Variants in PDE4D observed in about 807,000 individuals in gnomAD.
PDE4D encodes the protein 3',5'-cyclic-AMP phosphodiesterase 4D.
Under a neutral mutation model 87.4 loss-of-function variants are expected in PDE4D, and 24 were observed. The observed-to-expected ratio is 0.27, with a 90% CI of 0.20 to 0.39. PDE4D has a LOEUF of 0.39. PDE4D is among the 10% of genes least tolerant of loss of function. The probability of loss-of-function intolerance (pLI) is 1.00; values close to 1 mark genes in which losing one functional copy is unlikely to be tolerated. For missense variants in PDE4D, 714 were observed against 1,041.0 expected (o/e 0.69, Z 4.32); for synonymous variants, 384 against 383.2 (o/e 1.00, Z -0.02).
chr5:59,552,168 G>C (rs1818229078), intron 1 of PDE4D, among the ~76,000 whole-genome samples: 1 of 152,178 alleles, frequency 6.6e-6, no homozygotes, highest in East Asian at 1.9e-4. Flanking sequence ...GCAGTGAGCT[G>C]AGATTGTGCC....
At chr5:59,400,425 C>T (rs1408407200) in intron 1 of PDE4D, among the ~76,000 whole-genome samples, 1 of 146,856 alleles carries the variant, frequency 6.8e-6, no homozygotes, top group South Asian at 2.2e-4. Flanking sequence ...GAGTTCATGT[C>T]CTTTGTAGGG....
At chr5:60,289,091 C>G (rs1188292267) in intron 1 of PDE4D, among the ~76,000 whole-genome samples, 1 of 152,164 alleles carries the variant, frequency 6.6e-6, no homozygotes, top group African/African-American at 2.4e-5. Context: ...TACGTTTTTG[C>G]AGCTAAAAGA....
chr5:60,462,334 G>C (rs1422934703), intron 1 of PDE4D, among the ~76,000 whole-genome samples: 1 of 152,074 alleles, frequency 6.6e-6, no homozygotes, highest in African/African-American at 2.4e-5. Flanking sequence ...GTGGATGTGG[G>C]TGTGAATAAA....
intron 11 of PDE4D, among the ~76,000 whole-genome samples, chr5:58,981,023 C>T (rs535094224): frequency 6.6e-6 from 1 of 152,236 alleles, no homozygotes; most frequent in South Asian, 2.1e-4. Context: ...TTTTGTTCTT[C>T]TCTTTGAGGT....
At chr5:59,367,033 C>A (rs1463143145) in intron 1 of PDE4D, among the ~76,000 whole-genome samples, 2 of 152,176 alleles carry the variant, frequency 1.3e-5, no homozygotes, top group Non-Finnish European at 2.9e-5. Context: ...ACTGCAGAAT[C>A]GTGGAAGAAG....
chr5:60,427,483 G>T lies in PDE4D; in HGVS notation c.-90+60459C>A, dbSNP rs115157767. On this transcript the variant is annotated intron_variant, in intron 1 of 16. Transcript: ENST00000502484. ...ACCAACAAAAATATTCTTCAAAAAT[G>T]GGAAGAAAATAAAGGCACTTTCAGA... Among the ~76,000 whole-genome samples the T allele has an allele frequency of 5.9e-3, 905 of 152,176 alleles. 12 individuals are homozygous for T. The highest frequency in any genetic ancestry group is 7.8e-3 in the Non-Finnish European group (530 of 67,998).
chr5:59,407,136 G>A (rs1791819674), intron 1 of PDE4D, among the ~76,000 whole-genome samples: 1 of 152,134 alleles, frequency 6.6e-6, no homozygotes, highest in African/African-American at 2.4e-5. Context: ...GGGGCCTGGT[G>A]GGAGGTGTCT....
At chr5:59,359,900 C>G (rs1184741434) in intron 1 of PDE4D, among the ~76,000 whole-genome samples, 2 of 152,158 alleles carry the variant, frequency 1.3e-5, no homozygotes, top group African/African-American at 2.4e-5. Context: ...ATTCGGAAAT[C>G]TAAACATTGC....
intron 5 of PDE4D, among the ~76,000 whole-genome samples, chr5:59,138,576 C>A (rs547136813): frequency 6.6e-6 from 1 of 152,326 alleles, no homozygotes; most frequent in South Asian, 2.1e-4. Flanking sequence ...AGAAAGACAA[C>A]TTCATTTGAT....
At chr5:60,246,994 A>G (rs1033916779) in intron 1 of PDE4D, among the ~76,000 whole-genome samples, 1 of 152,158 alleles carries the variant, frequency 6.6e-6, no homozygotes, top group East Asian at 1.9e-4. Flanking sequence ...TACAAATTCA[A>G]TTCCCAAACC....
intron 2 of PDE4D, among the ~76,000 whole-genome samples, chr5:59,202,033 A>ATTT (rs10641798): frequency 0.58 from 54,556 of 94,834 alleles, 19,196 homozygotes; most frequent in Middle Eastern, 0.68. Flanking sequence ...TGTTTTGATC[A>ATTT]TTTTTTTTTT....
intron 2 of PDE4D, among the ~76,000 whole-genome samples, chr5:60,016,294 C>T (rs578183128): frequency 1.3e-5 from 2 of 152,084 alleles, no homozygotes; most frequent in East Asian, 3.9e-4. Context: ...ATACTTTATA[C>T]TAGAAAATGC....
chr5:60,013,335 G>A (rs952110), intron 2 of PDE4D, among the ~76,000 whole-genome samples: 39,995 of 151,982 alleles, frequency 0.26, 5,775 homozygotes, highest in Admixed American at 0.35. Context: ...CTATGCAAGC[G>A]CTGATTTCTG....
At chr5:60,514,839 G>A (rs1466138344) in intron 1 of PDE4D, among the ~76,000 whole-genome samples, 1 of 151,960 alleles carries the variant, frequency 6.6e-6, no homozygotes, top group East Asian at 1.9e-4. Context: ...CTCAGCCAAA[G>A]CAATAAAGCA....
chr5:59,149,836 C>G (rs779109530), intron 5 of PDE4D, among the ~76,000 whole-genome samples: 1 of 148,522 alleles, frequency 6.7e-6, no homozygotes, highest in Non-Finnish European at 1.5e-5. Flanking sequence ...ACAACAGACT[C>G]ATTAGATTTT....
intron 2 of PDE4D, among the ~76,000 whole-genome samples, chr5:60,111,024 T>C (rs1290240460): frequency 6.6e-6 from 1 of 151,826 alleles, no homozygotes; most frequent in Non-Finnish European, 1.5e-5. Context: ...AAGAGGAGGA[T>C]GGGAAGGAGT....
chr5:60,037,959 C>T (rs945042157), intron 2 of PDE4D, among the ~76,000 whole-genome samples: 2 of 151,818 alleles, frequency 1.3e-5, no homozygotes, highest in Admixed American at 1.3e-4. Flanking sequence ...TTTATATCAC[C>T]TTCATTTTGC....
intron 1 of PDE4D, among the ~76,000 whole-genome samples, chr5:59,278,769 T>C (rs1209363579): frequency 6.6e-6 from 1 of 152,094 alleles, no homozygotes; most frequent in Non-Finnish European, 1.5e-5. Flanking sequence ...GATATATTAA[T>C]AGAAAAAAAG....
chr5:59,260,304 G>GAA (rs1561832797), intron 1 of PDE4D, among the ~76,000 whole-genome samples: 1 of 151,742 alleles, frequency 6.6e-6, no homozygotes. Context: ...ATGTGAATTT[G>GAA]AAATTTACAG....
Sources: gnomAD v4.1 joint callset for allele counts (sites outside exome capture counted in the v4.1 genomes callset) on GRCh38, gnomAD v4.1.1 for gene constraint, MANE v1.5 for transcripts, NCBI Gene and HGNC (gene_info 2026-07-23, HGNC 2026-07-21) for gene names.